MDGA2: variants seen among roughly 807,000 people sequenced by gnomAD.
MDGA2 encodes MAM domain-containing glycosylphosphatidylinositol anchor protein 2.
In MDGA2, 40 loss-of-function variants were observed where a neutral mutation model predicts 117.8. The ratio of observed to expected loss-of-function variants is 0.34; its 90% CI spans 0.26 to 0.44. The LOEUF is 0.44. MDGA2 is among the 20% of genes least tolerant of loss of function. MDGA2 has a pLI of 1.00. For missense variants in MDGA2, 1,123 were observed against 1,250.6 expected (o/e 0.90, Z 1.54); for synonymous variants, 452 against 439.0 (o/e 1.03, Z -0.37).
chr14:47,296,922 A>G (rs1474643139), intron 2 of MDGA2, among the ~76,000 whole-genome samples: 3 of 152,334 alleles, frequency 2.0e-5, no homozygotes, highest in Non-Finnish European at 4.4e-5. Flanking sequence ...AGTGAAGACA[A>G]TGATCCAGGC....
intron 1 of MDGA2, among the ~76,000 whole-genome samples, chr14:47,601,984 T>A (rs1316637490): frequency 1.3e-5 from 2 of 152,186 alleles, no homozygotes; most frequent in Non-Finnish European, 2.9e-5. Flanking sequence ...CTGTTTTATG[T>A]ATGGCTACTA....
At chr14:47,359,563 C>A (rs117727319) in intron 1 of MDGA2, among the ~76,000 whole-genome samples, 1 of 151,832 alleles carries the variant, frequency 6.6e-6, no homozygotes, top group Admixed American at 6.6e-5. Flanking sequence ...TTCTCCAGTG[C>A]TGTTGGGAAA....
At chr14:47,532,972 A>T (rs1373115700) in intron 1 of MDGA2, among the ~76,000 whole-genome samples, 1 of 152,210 alleles carries the variant, frequency 6.6e-6, no homozygotes, top group Non-Finnish European at 1.5e-5. Context: ...TGGTAGCAAC[A>T]TGGCTGCATC....
intron 1 of MDGA2, among the ~76,000 whole-genome samples, chr14:47,386,392 A>G (rs947403151): frequency 4.6e-5 from 7 of 152,220 alleles, no homozygotes; most frequent in South Asian, 2.1e-4. Context: ...AAATTAAACC[A>G]CTGACTGATA....
rs77086877 is a variant in MDGA2, at chr14:46,921,616, C to CA, written c.2090-1457dup. Among the ~76,000 whole-genome samples the CA allele has an allele frequency of 8.9e-3, 639 of 71,726 alleles. 1 individual carries two copies. Among genetic ancestry groups the CA allele is most frequent in the Middle Eastern group, 0.012 (1 of 82 alleles). 47.1% of individuals were successfully genotyped at this position (71,726 alleles called of 152,430 possible). ...CCTGGGGGACAGAGCCAGGCCCTGT[C>CA]AAAAAAAAAAAAAGAAAAGAAAAAA... On this transcript the variant is annotated intron_variant, in intron 9 of 16. Coordinates refer to ENST00000399232, the MANE Select transcript of MDGA2 (RefSeq NM_001113498.3).
intron 10 of MDGA2, among the ~76,000 whole-genome samples, chr14:46,891,453 CACTT>C (rs1595024982): frequency 6.6e-6 from 1 of 151,502 alleles, no homozygotes; most frequent in African/African-American, 2.4e-5. Flanking sequence ...TAATTGCTAA[CACTT>C]ACCTTAGGGA....
intron 1 of MDGA2, among the ~76,000 whole-genome samples, chr14:47,500,040 C>A (rs893343029): frequency 9.9e-5 from 15 of 152,102 alleles, no homozygotes; most frequent in African/African-American, 3.1e-4. Context: ...ATGTCTACTT[C>A]CCCTGAAAAA....
chr14:47,102,727 C>T (rs1880412438), intron 5 of MDGA2, among the ~76,000 whole-genome samples: 1 of 152,200 alleles, frequency 6.6e-6, no homozygotes, highest in South Asian at 2.1e-4. Flanking sequence ...GCTTATCTAT[C>T]AACTCCTGTC....
At chr14:47,115,140 T>A (rs1469696197) in intron 5 of MDGA2, among the ~76,000 whole-genome samples, 1 of 152,056 alleles carries the variant, frequency 6.6e-6, no homozygotes. Flanking sequence ...TCAAATTACA[T>A]ATAAATTCAT....
At chr14:47,153,738 A>G (rs1008925343) in intron 3 of MDGA2, among the ~76,000 whole-genome samples, 1 of 151,008 alleles carries the variant, frequency 6.6e-6, no homozygotes, top group South Asian at 2.1e-4. Flanking sequence ...GTTGGGCGGG[A>G]GGGCTTTGTA....
intron 9 of MDGA2, among the ~76,000 whole-genome samples, chr14:46,943,973 G>C (rs936777867): frequency 1.3e-5 from 2 of 152,014 alleles, no homozygotes; most frequent in Non-Finnish European, 2.9e-5. Context: ...GCTGCTATTT[G>C]TTGACCCCAT....
intron 6 of MDGA2, among the ~76,000 whole-genome samples, chr14:47,067,550 T>G (rs1890130193): frequency 6.6e-6 from 1 of 152,176 alleles, no homozygotes; most frequent in Non-Finnish European, 1.5e-5. Flanking sequence ...AAAAATATAT[T>G]TCAGATTCAT....
chr14:46,913,838 A>G (rs189296600), intron 10 of MDGA2, among the ~76,000 whole-genome samples: 4 of 151,720 alleles, frequency 2.6e-5, no homozygotes, highest in Admixed American at 2.0e-4. Flanking sequence ...CGTTGAGGAC[A>G]ATACTTCGTT....
At chr14:47,203,304 G>T (rs1415510732) in intron 3 of MDGA2, among the ~76,000 whole-genome samples, 1 of 151,962 alleles carries the variant, frequency 6.6e-6, no homozygotes, top group African/African-American at 2.4e-5. Context: ...TAGAGAAGGG[G>T]GATGCTATTT....
intron 1 of MDGA2, among the ~76,000 whole-genome samples, chr14:47,673,999 G>T (rs976778189): frequency 8.6e-5 from 13 of 151,708 alleles, no homozygotes; most frequent in Non-Finnish European, 1.8e-4. Flanking sequence ...GCAACCGCTG[G>T]TGCAGAACGC....
At position 47,131,731 on chromosome 14, in the gene MDGA2, C is replaced by T. The variant is rs748966960; in HGVS notation, c.908G>A (p.Arg303Lys). The T allele has an allele frequency of 7.0e-6, 11 of 1,573,746 alleles. No homozygotes were observed. Among genetic ancestry groups the T allele is most frequent in the Non-Finnish European group, 9.6e-6 (11 of 1,151,048 alleles). ...TTCCATACCTGTTTTATTGGACAGTCTAAACGACACCATCTTATCAGGAAT... is the reference window on the plus strand; with the variant it reads ...TTCCATACCTGTTTTATTGGACAGTTTAAACGACACCATCTTATCAGGAAT... ...CNIPDKMVSF[R>K]LSNKTASPSI... The change falls in exon 5 of 17, where the codon AGA (arginine) becomes AAA (lysine). Residue 303 changes from arginine (R) to lysine (K), a missense_variant. Coordinates refer to ENST00000399232, the MANE Select transcript of MDGA2 (RefSeq NM_001113498.3).
chr14:46,982,289 TTATAC>T (rs1313876911), intron 8 of MDGA2, among the ~76,000 whole-genome samples: 1 of 152,180 alleles, frequency 6.6e-6, no homozygotes, highest in African/African-American at 2.4e-5. Flanking sequence ...TAAAATAGTA[TTATAC>T]TATGATTAAA....
At chr14:46,967,279 A>G (rs1429129693) in intron 8 of MDGA2, among the ~76,000 whole-genome samples, 1 of 152,170 alleles carries the variant, frequency 6.6e-6, no homozygotes, top group Non-Finnish European at 1.5e-5. Flanking sequence ...AGGAGCACTG[A>G]GAAATATGTA....
chr14:47,393,628 T>C (rs1207742998), intron 1 of MDGA2, among the ~76,000 whole-genome samples: 1 of 152,140 alleles, frequency 6.6e-6, no homozygotes, highest in Non-Finnish European at 1.5e-5. Context: ...TTTGATTTGC[T>C]ATTTCATATT....
Sources: allele counts gnomAD v4.1 joint callset (sites outside exome capture counted in the v4.1 genomes callset), GRCh38; gene constraint gnomAD v4.1.1; transcripts MANE v1.5; gene names NCBI Gene and HGNC (gene_info 2026-07-23, HGNC 2026-07-21).